Variants in VPS8 observed in about 807,000 individuals in gnomAD.
The protein encoded by VPS8 is vacuolar protein sorting-associated protein 8 homolog.
A neutral mutation model predicts 216.4 loss-of-function variants in VPS8; 129 were observed. The observed-to-expected ratio is 0.60, with a 90% CI of 0.52 to 0.69. The LOEUF (loss-of-function observed/expected upper bound fraction) is 0.69, where lower values mean the gene tolerates loss of function less well. Ranked by LOEUF, VPS8 falls within the 30% of genes least tolerant of loss-of-function variation. VPS8 has a pLI of 0.00. For missense variants in VPS8, 1,531 were observed against 1,683.5 expected (o/e 0.91, Z 1.59); for synonymous variants, 571 against 565.4 (o/e 1.01, Z -0.14).
intron 26 of VPS8, among the ~76,000 whole-genome samples, chr3:184,914,306 T>C (rs1737111293): frequency 6.6e-6 from 1 of 152,224 alleles, no homozygotes; most frequent in South Asian, 2.1e-4. Context: ...TGGTGTCCAG[T>C]TGTCTCCAGT....
chr3:184,906,774 A>G (rs890229165), intron 25 of VPS8, among the ~76,000 whole-genome samples: 7 of 152,236 alleles, frequency 4.6e-5, no homozygotes, highest in African/African-American at 1.7e-4. Flanking sequence ...GGCAGACATT[A>G]TCTTGTGAAA....
intron 3 of VPS8, among the ~76,000 whole-genome samples, chr3:184,831,166 C>T (rs1167977892): frequency 6.6e-6 from 1 of 152,060 alleles, no homozygotes; most frequent in Non-Finnish European, 1.5e-5. Context: ...AAGAAAGCTT[C>T]GAGATGTAGT....
chr3:184,941,062 C>T (rs546426937), intron 36 of VPS8, among the ~76,000 whole-genome samples: 31 of 152,310 alleles, frequency 2.0e-4, no homozygotes, highest in African/African-American at 7.2e-4. Flanking sequence ...GATGACATAG[C>T]TTTCATATCA....
intron 45 of VPS8, among the ~76,000 whole-genome samples, chr3:185,011,843 G>A (rs1755055003): frequency 6.6e-6 from 1 of 152,152 alleles, no homozygotes; most frequent in African/African-American, 2.4e-5. Flanking sequence ...ACCTATGAAT[G>A]ACCCAGATGC....
At position 184,834,656 on chromosome 3, in the gene VPS8, A is replaced by G; in HGVS notation, c.361A>G (p.Lys121Glu). Residue 121 changes from lysine (K) to glutamate (E), a missense_variant, in exon 5 of 48, where the codon AAA becomes GAA. Lys to Glu is a moderately conservative substitution (Grantham distance 56). Transcript: ENST00000625842. The part of the protein sequence containing the change: ...GDRTNLKRKK[K>E]LPDSFSLHGS... ...TTTCTTTTTTTTTTTCAGGAAGAAG[A>G]AATTACCTGATTCTTTTTCACTTCA... 6.5e-7 allele frequency: 1 copy of G among 1,536,958 alleles called. No homozygotes were observed. Among genetic ancestry groups the G allele is most frequent in the Non-Finnish European group, 8.8e-7 (1 of 1,142,510 alleles).
At chr3:184,813,442 A>G (rs953005099) in intron 1 of VPS8, among the ~76,000 whole-genome samples, 2 of 152,204 alleles carry the variant, frequency 1.3e-5, no homozygotes, top group African/African-American at 4.8e-5. Flanking sequence ...TATATCTAAT[A>G]TAAATGTGGA....
chr3:184,866,787 A>G (rs935995222), intron 16 of VPS8, 89 bp from the exon 17 acceptor site: 6 of 1,198,666 alleles, frequency 5.0e-6, no homozygotes, highest in Non-Finnish European at 7.1e-6. Flanking sequence ...CGTGTAACTA[A>G]TAAGTCATTA....
At chr3:184,942,595 A>G (rs1379830739) in intron 36 of VPS8, among the ~76,000 whole-genome samples, 1 of 152,172 alleles carries the variant, frequency 6.6e-6, no homozygotes, top group Non-Finnish European at 1.5e-5. Context: ...TGCCTTTAAA[A>G]AGAGCTCATG....
intron 3 of VPS8, among the ~76,000 whole-genome samples, chr3:184,828,689 G>C (rs969415605): frequency 1.3e-5 from 2 of 152,030 alleles, no homozygotes; most frequent in Admixed American, 1.3e-4. Flanking sequence ...ATAGTCCTAG[G>C]TTTACTTCAA....
intron 21 of VPS8, among the ~76,000 whole-genome samples, chr3:184,876,759 T>C (rs1729352088): frequency 6.6e-6 from 1 of 152,242 alleles, no homozygotes; most frequent in African/African-American, 2.4e-5. Flanking sequence ...TCCACCATGC[T>C]GTTAATTCTG....
chr3:185,047,282 T>C (rs1038789132), intron 46 of VPS8, among the ~76,000 whole-genome samples: 5 of 152,222 alleles, frequency 3.3e-5, no homozygotes, highest in Admixed American at 3.3e-4. Context: ...GTGCATCTGC[T>C]ACGTGTTCTG....
At chr3:184,964,366 A>G (rs1747036661) in intron 37 of VPS8, 102 bp from the exon 38 acceptor site, 3 of 615,422 alleles carry the variant, frequency 4.9e-6, no homozygotes, top group Non-Finnish European at 7.6e-6. Flanking sequence ...AATAAGGTAT[A>G]AATTCATTAT....
intron 1 of VPS8, among the ~76,000 whole-genome samples, chr3:184,818,438 G>A (rs1259975238): frequency 3.3e-5 from 5 of 151,082 alleles, no homozygotes; most frequent in African/African-American, 1.2e-4. Context: ...TGGGAGGATT[G>A]CTTGACCTGG....
At chr3:184,984,938 A>C (rs973599726) in intron 42 of VPS8, among the ~76,000 whole-genome samples, 1 of 152,190 alleles carries the variant, frequency 6.6e-6, no homozygotes, top group Non-Finnish European at 1.5e-5. Context: ...GGAATCTAGA[A>C]GTCTCTTGAT....
intron 46 of VPS8, among the ~76,000 whole-genome samples, chr3:185,034,187 C>G (rs567788347): frequency 4.6e-5 from 7 of 152,188 alleles, no homozygotes; most frequent in South Asian, 4.1e-4. Context: ...ATTATGGCCA[C>G]TAGCTCATCT....
At chr3:184,956,082 G>T (rs200787921) in intron 36 of VPS8, among the ~76,000 whole-genome samples, 1 of 151,944 alleles carries the variant, frequency 6.6e-6, no homozygotes, top group African/African-American at 2.4e-5. Context: ...TTAGTTTATC[G>T]TTTACCCACC....
intron 23 of VPS8, among the ~76,000 whole-genome samples, chr3:184,897,736 C>G (rs550417997): frequency 6.6e-6 from 1 of 152,232 alleles, no homozygotes; most frequent in African/African-American, 2.4e-5. Context: ...TTGTCATTCT[C>G]CTTTGCCGAC....
chr3:184,886,887 A>G (rs1258551663), intron 22 of VPS8, among the ~76,000 whole-genome samples: 1 of 152,122 alleles, frequency 6.6e-6, no homozygotes, highest in East Asian at 1.9e-4. Flanking sequence ...CCTGGTATAT[A>G]TGCTTTTATG....
At chr3:184,814,458 A>G (rs1436961692) in intron 1 of VPS8, among the ~76,000 whole-genome samples, 14 of 152,226 alleles carry the variant, frequency 9.2e-5, no homozygotes, top group Admixed American at 8.5e-4. Flanking sequence ...ACAAACCTAG[A>G]TGGTGTAGTC....
Sources: allele counts gnomAD v4.1 joint callset (sites outside exome capture counted in the v4.1 genomes callset), GRCh38; gene constraint gnomAD v4.1.1; transcripts MANE v1.5; gene names NCBI Gene and HGNC (gene_info 2026-07-23, HGNC 2026-07-21).